Variants in DENND1B observed in about 807,000 individuals in gnomAD.
DENND1B encodes the protein DENN domain-containing protein 1B.
DENND1B carries 59 observed loss-of-function variants against 90.1 expected under a neutral mutation model. The observed-to-expected ratio is 0.65, with a 90% CI of 0.53 to 0.81. The LOEUF is 0.81. DENND1B is among the 40% of genes least tolerant of loss of function. The probability of loss-of-function intolerance (pLI) is 0.00; values close to 1 mark genes in which losing one functional copy is unlikely to be tolerated. For synonymous variants in DENND1B, 337 were observed against 324.6 expected (o/e 1.04, Z -0.41); for missense variants, 862 against 912.6 (o/e 0.94, Z 0.71).
At chr1:197,630,814 T>A (rs569033184) in intron 10 of DENND1B, among the ~76,000 whole-genome samples, 1 of 152,238 alleles carries the variant, frequency 6.6e-6, no homozygotes, top group Non-Finnish European at 1.5e-5. Context: ...ACCAAACCTG[T>A]GCCAGACATT....
At position 197,509,626 on chromosome 1, in the gene DENND1B, ATTT is replaced by A. The variant is rs33927647; in HGVS notation, c.*831_*833del. 3.0e-4 allele frequency: 37 copies of A among 124,422 alleles called. No individual in the cohort carries two copies. Among genetic ancestry groups the A allele is most frequent in the African/African-American group, 6.8e-4 (24 of 35,344 alleles). The allele number at this position is 124,422 out of a possible 1,614,324, so 7.7% of individuals were successfully genotyped here. ...ATAGAGAATTATTAGTTAAAAAAAG[ATTT>A]TTTTTTTTTTTTTTGTCAGGACGGT... On this transcript the variant is annotated 3_prime_UTR_variant, in exon 23 of 23. Transcript: ENST00000620048.
chr1:197,583,327 TGTGAAGA>T lies in DENND1B; in HGVS notation c.1048-81_1048-75del, dbSNP rs1376978161. On this transcript the variant is annotated intron_variant, in intron 14 of 22. Coordinates refer to ENST00000620048, the MANE Select transcript of DENND1B (RefSeq NM_001195215.2). ...GAGAACTAGTCTCTTTAAATAGGTA[TGTGAAGA>T]GTGATAGAGGAAGCGTAAGGTGCAG... The T allele has an allele frequency of 2.2e-6, 3 of 1,371,718 alleles. No individual in the cohort carries two copies. In the African/African-American group the frequency reaches 4.3e-5, roughly 20 times the overall value. 85.0% of individuals were successfully genotyped at this position (1,371,718 alleles called of 1,614,324 possible). A position where few individuals can be genotyped will look rare whatever the true frequency, so the allele number is the denominator to read the frequency against.
chr1:197,720,611 G>A (rs1478351655), intron 2 of DENND1B, among the ~76,000 whole-genome samples: 4 of 152,002 alleles, frequency 2.6e-5, no homozygotes, highest in African/African-American at 9.7e-5. Context: ...ATCATTTAGG[G>A]CCACAAATGA....
intron 2 of DENND1B, chr1:197,734,536 G>T: frequency 1.0e-6 from 1 of 970,914 alleles, no homozygotes; most frequent in South Asian, 4.8e-5. Context: ...CACAAAAATA[G>T]ATGTTTTGTG....
intron 2 of DENND1B, among the ~76,000 whole-genome samples, chr1:197,759,742 CAAAAAAAAAAA>C (rs1196523150): frequency 2.6e-5 from 1 of 38,156 alleles, no homozygotes; most frequent in Admixed American, 3.3e-4. Flanking sequence ...GACTCCGTCT[CAAAAAAAAAAA>C]AAAAAAAAAA....
upstream of DENND1B, among the ~76,000 whole-genome samples, chr1:197,777,318 C>T (rs981238283): frequency 6.6e-6 from 1 of 152,168 alleles, no homozygotes; most frequent in Non-Finnish European, 1.5e-5. Flanking sequence ...TACCCTTGAA[C>T]AGTATAAAAT....
At chr1:197,732,841 T>G (rs978816957) in intron 2 of DENND1B, among the ~76,000 whole-genome samples, 2 of 152,202 alleles carry the variant, frequency 1.3e-5, no homozygotes, top group African/African-American at 4.8e-5. Context: ...ACAATGCCAA[T>G]ATAAGATCAG....
intron 15 of DENND1B, among the ~76,000 whole-genome samples, chr1:197,578,873 C>T (rs866849975): frequency 7.2e-5 from 11 of 151,940 alleles, no homozygotes; most frequent in South Asian, 2.1e-4. Flanking sequence ...TAAGGGACCT[C>T]CCTAGTTAGC....
chr1:197,626,619 A>G lies in DENND1B; in HGVS notation c.673-8860T>C, dbSNP rs140133996. On this transcript the variant is annotated intron_variant, in intron 10 of 22. Transcript: ENST00000620048. ...CCCTAACATCACAATTAAAAGAACT[A>G]GAAGAGCAAGAGCAAACACATTCAA... Among the ~76,000 whole-genome samples, 864 of 152,266 alleles carry G rather than the reference A, an allele frequency of 5.7e-3. 11 individuals are homozygous for G. Among genetic ancestry groups the G allele is most frequent in the African/African-American group, 0.019 (807 of 41,554 alleles).
chr1:197,601,098 C>T (rs538486372), intron 13 of DENND1B, among the ~76,000 whole-genome samples: 1 of 151,672 alleles, frequency 6.6e-6, no homozygotes, highest in African/African-American at 2.4e-5. Context: ...TCTTTTATAA[C>T]ATTTGTCTCT....
intron 2 of DENND1B, among the ~76,000 whole-genome samples, chr1:197,737,519 T>C (rs1377518165): frequency 9.2e-5 from 14 of 151,960 alleles, no homozygotes; most frequent in Admixed American, 9.2e-4. Flanking sequence ...ATGACAAAAC[T>C]CCACAGGCCC....
chr1:197,771,970 T>C (rs1461804718), intron 2 of DENND1B, among the ~76,000 whole-genome samples: 2 of 152,162 alleles, frequency 1.3e-5, no homozygotes, highest in Non-Finnish European at 1.5e-5. Flanking sequence ...ATGAAAATCA[T>C]GACATTAAAG....
chr1:197,772,706 C>T (rs1656773541), intron 2 of DENND1B, among the ~76,000 whole-genome samples, 162 bp downstream of exon 2: 1 of 152,138 alleles, frequency 6.6e-6, no homozygotes, highest in East Asian at 1.9e-4. Flanking sequence ...GCATTGGTAG[C>T]TCCAGCTACT....
chr1:197,746,186 G>A (rs1663729154), intron 2 of DENND1B, among the ~76,000 whole-genome samples: 1 of 152,158 alleles, frequency 6.6e-6, no homozygotes, highest in South Asian at 2.1e-4. Context: ...CAGGCCAGGA[G>A]TTCAAGACCA....
At chr1:197,600,479 T>C (rs1297329469) in intron 13 of DENND1B, among the ~76,000 whole-genome samples, 1 of 151,738 alleles carries the variant, frequency 6.6e-6, no homozygotes, top group Non-Finnish European at 1.5e-5. Flanking sequence ...CTCTTTACTC[T>C]ACGGCAAGGT....
chr1:197,604,280 T>A (rs1243311462), intron 13 of DENND1B, among the ~76,000 whole-genome samples: 1 of 151,208 alleles, frequency 6.6e-6, no homozygotes, highest in African/African-American at 2.4e-5. Context: ...GAAAAGAGGT[T>A]TTCCCCCTCC....
chr1:197,598,033 C>A (rs1404144289), intron 13 of DENND1B, among the ~76,000 whole-genome samples: 3 of 151,854 alleles, frequency 2.0e-5, no homozygotes, highest in South Asian at 2.1e-4. Context: ...AATGTGGCTA[C>A]AAGAAAACAC....
chr1:197,741,244 A>G (rs544839611), intron 2 of DENND1B, among the ~76,000 whole-genome samples: 14 of 152,136 alleles, frequency 9.2e-5, no homozygotes, highest in Non-Finnish European at 1.6e-4. Context: ...AGTACTTCTG[A>G]CATATCCCAA....
intron 3 of DENND1B, among the ~76,000 whole-genome samples, chr1:197,684,009 A>G (rs555220829): frequency 1.4e-4 from 21 of 152,334 alleles, no homozygotes; most frequent in Admixed American, 1.2e-3. Flanking sequence ...TGCCTGGCAC[A>G]TTACTCATGC....
Sources: gnomAD v4.1 joint callset for allele counts (sites outside exome capture counted in the v4.1 genomes callset) on GRCh38, gnomAD v4.1.1 for gene constraint, MANE v1.5 for transcripts, NCBI Gene and HGNC (gene_info 2026-07-23, HGNC 2026-07-21) for gene names.